Variants in LRRC43 observed in about 807,000 individuals in gnomAD.
LRRC43 encodes leucine-rich repeat-containing protein 43.
LRRC43 carries 62 observed loss-of-function variants against 64.3 expected under a neutral mutation model. That is an observed-to-expected ratio of 0.96 (90% CI 0.79 to 1.19). The LOEUF is 1.19. Among genes scored for constraint, LRRC43 ranks in the 50% most tolerant of loss-of-function variants. The pLI is 0.00. For missense variants in LRRC43, 868 were observed against 845.0 expected, an observed-to-expected ratio of 1.03 and a Z score of -0.34; for synonymous variants, 422 against 382.3, an observed-to-expected ratio of 1.10 and a Z score of -1.21.
At chr12:122,169,564 A>T (rs1953466616) in intron 1 of LRRC43, among the ~76,000 whole-genome samples, 1 of 151,812 alleles carries the variant, frequency 6.6e-6, no homozygotes, top group Non-Finnish European at 1.5e-5. Context: ...AAATACAAAA[A>T]AATTAGCCGG....
At chr12:122,190,401 A>G in intron 5 of LRRC43, 33 bp downstream of exon 5, 2 of 1,555,322 alleles carry the variant, frequency 1.3e-6, no homozygotes, top group South Asian at 2.3e-5. Context: ...AGGGGGTGGC[A>G]TGTGACACCC....
chr12:122,173,770 G>C, intron 1 of LRRC43: 2 of 1,351,848 alleles, frequency 1.5e-6, no homozygotes, highest in Non-Finnish European at 2.1e-6. Flanking sequence ...GGTCCGGAGA[G>C]AGGAGCCTCT....
chr12:122,187,564 T>A (rs1430649322), intron 3 of LRRC43, 137 bp from the exon 4 acceptor site: 1 of 609,096 alleles, frequency 1.6e-6, no homozygotes, highest in South Asian at 2.5e-5. Flanking sequence ...TAAAAGGGAG[T>A]CGGGGTGGTG....
upstream of LRRC43, among the ~76,000 whole-genome samples, chr12:122,179,961 C>T (rs543198239): frequency 1.0e-3 from 140 of 133,434 alleles, 1 homozygote; most frequent in Middle Eastern, 4.0e-3. Context: ...CAGAGTGAGA[C>T]TCCGTCTCAA....
At chr12:122,193,762 G>A (rs1331842040) in intron 7 of LRRC43, among the ~76,000 whole-genome samples, 4 of 152,178 alleles carry the variant, frequency 2.6e-5, no homozygotes, top group Non-Finnish European at 4.4e-5. Context: ...GTTTCACCAT[G>A]TTGACCAGGC....
At chr12:122,194,364 C>T (rs1593152151) in intron 7 of LRRC43, among the ~76,000 whole-genome samples, 1 of 149,314 alleles carries the variant, frequency 6.7e-6, no homozygotes, top group South Asian at 2.1e-4. Context: ...CTCAGGAGGT[C>T]GAGACCCGCC....
At chr12:122,190,068 A>G (rs967236240) in intron 4 of LRRC43, 62 bp from the exon 5 acceptor site, 3 of 1,388,084 alleles carry the variant, frequency 2.2e-6, no homozygotes. Flanking sequence ...TTTTGGCCAC[A>G]GGCTGCTTGC....
intron 1 of LRRC43, chr12:122,172,678 C>T (rs142483430): frequency 2.0e-5 from 33 of 1,613,874 alleles, no homozygotes; most frequent in Non-Finnish European, 2.6e-5. Flanking sequence ...GGCGGCTGGG[C>T]GTCAGGGCTG....
Position 122,184,918 on chromosome 12 carries a change from C to T in LRRC43, c.411+139C>T. ...CGAAGGCCAGCCTGCCCTCCATCTG[C>T]TTCATCTCCCTGGCTTGTGTGCCAG... On this transcript the variant is annotated intron_variant, in intron 2 of 11. Coordinates refer to ENST00000339777, the MANE Select transcript of LRRC43 (RefSeq NM_001098519.2). This position sits in a 1 kb window ranked among gnomAD's most constrained non-coding sequence, Gnocchi z 4.0. 1.1e-6 allele frequency: 1 copy of T among 917,808 alleles called. No individual in the cohort carries two copies. Among genetic ancestry groups the T allele is most frequent in the East Asian group, 2.7e-5 (1 of 37,706 alleles). 56.9% of individuals were successfully genotyped at this position (917,808 alleles called of 1,614,324 possible). A position where few individuals can be genotyped will look rare whatever the true frequency, so the allele number is the denominator to read the frequency against.
At chr12:122,188,696 C>T (rs956185122) in intron 4 of LRRC43, among the ~76,000 whole-genome samples, 2 of 152,312 alleles carry the variant, frequency 1.3e-5, no homozygotes, top group Non-Finnish European at 2.9e-5. Flanking sequence ...TTACTTTGGC[C>T]TCCCAAAGTG....
At chr12:122,179,163 C>G (rs541522530), upstream of LRRC43, among the ~76,000 whole-genome samples, 8 of 152,264 alleles carry the variant, frequency 5.3e-5, no homozygotes, top group South Asian at 1.2e-3. Context: ...GGTGTGATCA[C>G]AGCTCACTGC....
At chr12:122,194,987 T>C (rs1953760860) in intron 7 of LRRC43, among the ~76,000 whole-genome samples, 1 of 152,174 alleles carries the variant, frequency 6.6e-6, no homozygotes, top group African/African-American at 2.4e-5. Context: ...CCTTTATTGG[T>C]GATCTTTGTT....
At position 122,203,296 on chromosome 12, in the gene LRRC43, C is replaced by G. The variant is rs1566014800; in HGVS notation, c.1844-19C>G. On this transcript the variant is annotated intron_variant, in intron 11 of 11. Transcript: ENST00000339777. ...CCATCCGTCTCCCGGGGCTCATGCT[C>G]GCACTTAAATTTTCTCAGAAAAGCC... 1 of 1,607,918 alleles carries G rather than the reference C, an allele frequency of 6.2e-7. No homozygotes were observed. The highest frequency in any genetic ancestry group is 8.5e-7 in the Non-Finnish European group (1 of 1,179,014).
At chr12:122,198,982 AT>A (rs11358088) in intron 7 of LRRC43, among the ~76,000 whole-genome samples, 33,457 of 123,406 alleles carry the variant, frequency 0.27, 4,350 homozygotes, top group East Asian at 0.7. Context: ...TACTTTCACG[AT>A]TTTTTTTTTT....
chr12:122,182,125 C>T (rs1566005624), upstream of LRRC43, among the ~76,000 whole-genome samples: 1 of 151,958 alleles, frequency 6.6e-6, no homozygotes, highest in South Asian at 2.1e-4. Flanking sequence ...TGGTGGCTCA[C>T]GCCTGTAATC....
At chr12:122,178,547 A>G (rs1021156282), upstream of LRRC43, among the ~76,000 whole-genome samples, 2 of 150,874 alleles carry the variant, frequency 1.3e-5, no homozygotes, top group African/African-American at 2.4e-5. Flanking sequence ...GGTTGTAGAA[A>G]TGTTTAGGAG....
At chr12:122,202,912 T>C (rs1953859448) in intron 11 of LRRC43, among the ~76,000 whole-genome samples, 1 of 152,036 alleles carries the variant, frequency 6.6e-6, no homozygotes. Context: ...GCCAACATGG[T>C]GAAACCCCGT....
chr12:122,190,947 G>A (rs376682952), intron 5 of LRRC43, among the ~76,000 whole-genome samples: 5 of 151,880 alleles, frequency 3.3e-5, no homozygotes, highest in Admixed American at 2.6e-4. Flanking sequence ...CTAGCCTGGC[G>A]ACAGAGCGAG....
rs774491327 is a variant in LRRC43, at chr12:122,191,442, A to G, written c.964A>G (p.Thr322Ala). 6.2e-7 allele frequency: 1 copy of G among 1,613,724 alleles called. No individual in the cohort carries two copies. Among genetic ancestry groups the G allele is most frequent in the East Asian group, 2.2e-5 (1 of 44,862 alleles). The change falls in exon 6 of 12, where the codon ACC becomes GCC. Residue 322 changes from threonine to alanine, a missense_variant. Transcript: ENST00000339777. ...TIGNIRGVLD[T>A]SVLDPEPRPE... is the part of the protein sequence containing the mutation. ...CGGAAACATCAGAGGAGTCCTGGACACCTCTGTCTTAGACCCGGAACCCAG... is the reference window on the plus strand; with the variant it reads ...CGGAAACATCAGAGGAGTCCTGGACGCCTCTGTCTTAGACCCGGAACCCAG...
Sources: allele counts gnomAD v4.1 joint callset (sites outside exome capture counted in the v4.1 genomes callset), GRCh38; gene constraint gnomAD v4.1.1; non-coding constraint Gnocchi (gnomAD v3.1); transcripts MANE v1.5; gene names NCBI Gene and HGNC (gene_info 2026-07-23, HGNC 2026-07-21).